Variants in CFAP299 observed in about 807,000 individuals in gnomAD.
CFAP299 encodes the protein cilia and flagella associated protein 299.
Under a neutral mutation model 27.0 loss-of-function variants are expected in CFAP299, and 21 were observed. The ratio of observed to expected loss-of-function variants is 0.78; its 90% CI spans 0.55 to 1.12. The LOEUF (loss-of-function observed/expected upper bound fraction) is 1.12, where lower values mean the gene tolerates loss of function less well. Ranked by LOEUF, CFAP299 falls within the 50% of genes most tolerant of loss-of-function variation. The probability of loss-of-function intolerance (pLI) is 0.00; values close to 1 mark genes in which losing one functional copy is unlikely to be tolerated. For missense variants in CFAP299, 310 were observed against 276.6 expected, an observed-to-expected ratio of 1.12 and a Z score of -0.86; for synonymous variants, 104 against 98.1, an observed-to-expected ratio of 1.06 and a Z score of -0.36.
chr4:80,759,672 T>G (rs1421100701), intron 3 of CFAP299, among the ~76,000 whole-genome samples: 1 of 152,208 alleles, frequency 6.6e-6, no homozygotes, highest in Non-Finnish European at 1.5e-5. Flanking sequence ...TATTTTGTTG[T>G]TGTTAGAGTA....
chr4:80,562,634 G>T (rs1735089888), intron 2 of CFAP299, among the ~76,000 whole-genome samples: 1 of 149,220 alleles, frequency 6.7e-6, no homozygotes, highest in South Asian at 2.1e-4. Flanking sequence ...CTCCAGCCTA[G>T]GCAATACAGC....
chr4:80,417,287 C>G (rs144498836), intron 2 of CFAP299, among the ~76,000 whole-genome samples: 1 of 152,124 alleles, frequency 6.6e-6, no homozygotes, highest in Admixed American at 6.5e-5. Flanking sequence ...TGGGTTTTAG[C>G]GGACTTCTTT....
chr4:80,536,168 T>A (rs1733730196), intron 2 of CFAP299, among the ~76,000 whole-genome samples: 1 of 152,170 alleles, frequency 6.6e-6, no homozygotes, highest in African/African-American at 2.4e-5. Context: ...AGTGAAGGAA[T>A]CATTTTATAA....
intron 3 of CFAP299, among the ~76,000 whole-genome samples, chr4:80,658,570 T>C (rs371572041): frequency 7.9e-5 from 12 of 151,974 alleles, no homozygotes; most frequent in East Asian, 5.8e-4. Context: ...CCTTGCATCA[T>C]TGATACAAAA....
intron 2 of CFAP299, among the ~76,000 whole-genome samples, chr4:80,390,946 T>C (rs201301561): frequency 3.0e-3 from 77 of 25,532 alleles, no homozygotes; most frequent in African/African-American, 5.4e-3. Flanking sequence ...TATATGTATG[T>C]ACACACATGT....
chr4:80,821,636 G>A (rs1001464738), intron 3 of CFAP299, among the ~76,000 whole-genome samples: 2 of 152,126 alleles, frequency 1.3e-5, no homozygotes, highest in Non-Finnish European at 2.9e-5. Context: ...AGGAACTTGG[G>A]CAGGATTTGC....
intron 2 of CFAP299, among the ~76,000 whole-genome samples, chr4:80,550,752 TAACTC>T (rs1292817653): frequency 7.2e-6 from 1 of 139,426 alleles, no homozygotes; most frequent in Non-Finnish European, 1.5e-5. Flanking sequence ...TTAAAGGTAT[TAACTC>T]AAAACACACA....
chr4:80,622,875 G>C (rs1738678839), intron 3 of CFAP299, among the ~76,000 whole-genome samples: 1 of 152,134 alleles, frequency 6.6e-6, no homozygotes, highest in Non-Finnish European at 1.5e-5. Context: ...TGTCTGGGAT[G>C]AGAATGACTC....
chr4:80,505,820 G>A (rs955787181), intron 2 of CFAP299, among the ~76,000 whole-genome samples: 9 of 152,058 alleles, frequency 5.9e-5, no homozygotes, highest in East Asian at 1.9e-4. Context: ...TAAACAGAGC[G>A]GAGTGGTGTG....
In CFAP299 at chr4:80,693,205, C is replaced by A. The variant is rs560611287; in HGVS notation, c.333+110022C>A. Among the ~76,000 whole-genome samples the A allele has an allele frequency of 2.6e-5, 4 of 152,118 alleles. No homozygotes were observed. In the South Asian group the frequency reaches 6.2e-4, roughly 24 times the overall value. On this transcript the variant is annotated intron_variant, in intron 3 of 5. Coordinates refer to ENST00000358105, the MANE Select transcript of CFAP299 (RefSeq NM_152770.3). ...AGCCATCCCATTACTGGGTATATAC[C>A]CAAAGGACTATAAATCATGCTTCTA...
At chr4:80,401,809 C>T (rs980009745) in intron 2 of CFAP299, among the ~76,000 whole-genome samples, 5 of 152,140 alleles carry the variant, frequency 3.3e-5, no homozygotes, top group Non-Finnish European at 5.9e-5. Context: ...TTGAAAAAGC[C>T]ATAGACACTC....
chr4:80,879,875 G>A (rs1464717872), intron 4 of CFAP299, among the ~76,000 whole-genome samples: 1 of 152,100 alleles, frequency 6.6e-6, no homozygotes, highest in African/African-American at 2.4e-5. Context: ...TGATAAATGA[G>A]TCTAAGCATG....
chr4:80,664,759 T>C (rs1741055928), intron 3 of CFAP299, among the ~76,000 whole-genome samples: 1 of 152,074 alleles, frequency 6.6e-6, no homozygotes, highest in Admixed American at 6.6e-5. Flanking sequence ...GCTGGTGTTC[T>C]AGGCACCACT....
chr4:80,548,263 A>G (rs1247937482), intron 2 of CFAP299, among the ~76,000 whole-genome samples: 1 of 152,166 alleles, frequency 6.6e-6, no homozygotes, highest in Non-Finnish European at 1.5e-5. Flanking sequence ...CCATTATGCT[A>G]AGTGAACTAA....
chr4:80,562,925 G>T (rs1011832550), intron 2 of CFAP299, among the ~76,000 whole-genome samples: 8 of 151,764 alleles, frequency 5.3e-5, no homozygotes, highest in African/African-American at 1.9e-4. Context: ...AAATGTTTCA[G>T]ACAAAAATTA....
At chr4:80,468,677 A>T (rs1729831578) in intron 2 of CFAP299, among the ~76,000 whole-genome samples, 1 of 151,828 alleles carries the variant, frequency 6.6e-6, no homozygotes, top group Non-Finnish European at 1.5e-5. Flanking sequence ...TCTACTAAAA[A>T]TACAAAAATT....
At chr4:80,662,961 T>C (rs761226509) in intron 3 of CFAP299, among the ~76,000 whole-genome samples, 2 of 151,892 alleles carry the variant, frequency 1.3e-5, no homozygotes, top group Non-Finnish European at 2.9e-5. Context: ...AAAAGGAATG[T>C]CACTGGGAAT....
chr4:80,814,862 C>G (rs1729344115), intron 3 of CFAP299, among the ~76,000 whole-genome samples: 1 of 151,876 alleles, frequency 6.6e-6, no homozygotes, highest in South Asian at 2.1e-4. Context: ...AATTTGGTCC[C>G]CAGGTAAAGT....
At position 80,816,854 on chromosome 4, in the gene CFAP299, T is replaced by A. The variant is rs914230565; in HGVS notation, c.334-53139T>A. 3.3e-5 allele frequency among the ~76,000 whole-genome samples: 5 copies of A among 152,078 alleles called. 1 individual carries two copies. The highest frequency in any genetic ancestry group is 1.3e-4 in the Admixed American group (2 of 15,256). The stretch of plus-strand genomic sequence containing the variant: ...GATAGCAGATGAGCTTTAAAAAAAA[T>A]GCAAGAAAACCTCATGAGGTTTCAA... On this transcript the variant is annotated intron_variant, in intron 3 of 5. Coordinates refer to ENST00000358105, the MANE Select transcript of CFAP299 (RefSeq NM_152770.3).
Sources: allele counts gnomAD v4.1 joint callset (sites outside exome capture counted in the v4.1 genomes callset), GRCh38; gene constraint gnomAD v4.1.1; transcripts MANE v1.5; gene names NCBI Gene and HGNC (gene_info 2026-07-23, HGNC 2026-07-21).